Variants in FARP1 observed in about 807,000 individuals in gnomAD.
The protein encoded by FARP1 is FERM, ARH/RhoGEF and pleckstrin domain protein 1, also known as FERM, ARHGEF and pleckstrin domain-containing protein 1.
In FARP1, 52 loss-of-function variants were observed where a neutral mutation model predicts 128.8. The ratio of observed to expected loss-of-function variants is 0.40; its 90% CI spans 0.32 to 0.51. FARP1 has a LOEUF of 0.51. FARP1 is among the 20% of genes least tolerant of loss of function. The pLI is 0.45. For missense variants in FARP1, 1,333 were observed against 1,367.9 expected (o/e 0.97, Z 0.40); for synonymous variants, 580 against 551.8 (o/e 1.05, Z -0.72).
At chr13:98,365,895 G>GT (rs1491093980) in intron 4 of FARP1, among the ~76,000 whole-genome samples, 1 of 14,008 alleles carries the variant, frequency 7.1e-5, no homozygotes, top group African/African-American at 1.9e-4. Context: ...TGTGTATGTG[G>GT]TGTGTGTGTG....
At chr13:98,401,127 A>G (rs561608041) in intron 13 of FARP1, 3 of 152,334 alleles carry the variant, frequency 2.0e-5, no homozygotes, top group Admixed American at 6.5e-5. Context: ...CCAAGCCCGT[A>G]AGAGCATATG....
chr13:98,413,496 C>CA (rs1036471587), intron 16 of FARP1, among the ~76,000 whole-genome samples: 20 of 151,812 alleles, frequency 1.3e-4, no homozygotes, highest in African/African-American at 2.2e-4. Flanking sequence ...CCCATCTCAA[C>CA]AAAAAAACAT....
intron 1 of FARP1, among the ~76,000 whole-genome samples, chr13:98,208,836 C>T (rs1331229093): frequency 2.0e-5 from 3 of 149,446 alleles, no homozygotes; most frequent in South Asian, 2.1e-4. Flanking sequence ...TCTATGGTGA[C>T]AGCATTAGAG....
At chr13:98,185,125 G>A (rs891130428) in intron 1 of FARP1, among the ~76,000 whole-genome samples, 4 of 152,066 alleles carry the variant, frequency 2.6e-5, no homozygotes, top group Non-Finnish European at 5.9e-5. Flanking sequence ...AAAGTAAAAT[G>A]TAAAATAATT....
chr13:98,293,611 TAGTC>T (rs1385201382), intron 2 of FARP1, among the ~76,000 whole-genome samples: 2 of 152,198 alleles, frequency 1.3e-5, no homozygotes, highest in African/African-American at 4.8e-5. Context: ...ATGTAAAATG[TAGTC>T]AGTCAGTGTA....
At chr13:98,245,088 G>A (rs1786061211) in intron 2 of FARP1, 1 of 1,012,474 alleles carries the variant, frequency 9.9e-7, no homozygotes, top group African/African-American at 1.7e-5. Flanking sequence ...CCTTTCCTGA[G>A]TGGTCTCTTA....
chr13:98,283,382 G>A (rs1885022136), intron 2 of FARP1, among the ~76,000 whole-genome samples: 1 of 152,106 alleles, frequency 6.6e-6, no homozygotes, highest in Admixed American at 6.5e-5. Context: ...AGGCTATCCT[G>A]GAAAATGCCA....
chr13:98,403,762 G>C (rs1890864859), intron 13 of FARP1: 1 of 152,222 alleles, frequency 6.6e-6, no homozygotes, highest in South Asian at 2.1e-4. Flanking sequence ...GTAACAATGA[G>C]CTTGGTGGTT....
chr13:98,203,427 G>A (rs1359810006), intron 1 of FARP1, among the ~76,000 whole-genome samples: 1 of 152,148 alleles, frequency 6.6e-6, no homozygotes, highest in Non-Finnish European at 1.5e-5. Context: ...CCAGCCCCAG[G>A]CAACTACTTT....
chr13:98,385,073 C>T (rs10492707), intron 7 of FARP1, among the ~76,000 whole-genome samples: 6,348 of 152,112 alleles, frequency 0.042, 471 homozygotes, highest in African/African-American at 0.14. Context: ...TGCTTTGGAA[C>T]AAAAGAGAAA....
chr13:98,176,793 C>A lies in FARP1; in HGVS notation c.-24+33301C>A. 1 of 1,613,610 alleles carries A rather than the reference C, an allele frequency of 6.2e-7. No homozygotes were observed. The highest frequency in any genetic ancestry group is 8.5e-7 in the Non-Finnish European group (1 of 1,180,012). ...GGTACCTCAGGTAGCTGTGGATTCC[C>A]CGGTAGATGTGGTCGTGCTCCCGAC... On this transcript the variant is annotated intron_variant, in intron 1 of 26. Transcript: ENST00000319562. This position sits in a 1 kb window ranked among gnomAD's most constrained non-coding sequence, Gnocchi z 6.2.
At chr13:98,275,332 G>A (rs545339101) in intron 2 of FARP1, among the ~76,000 whole-genome samples, 3 of 95,380 alleles carry the variant, frequency 3.1e-5, no homozygotes, top group South Asian at 4.6e-4. Flanking sequence ...GTGAATGTGG[G>A]TAAGGAGAGA....
intron 2 of FARP1, among the ~76,000 whole-genome samples, chr13:98,305,022 AAGAG>A (rs149483166): frequency 4.2e-4 from 63 of 150,104 alleles, no homozygotes; most frequent in African/African-American, 1.3e-3. Context: ...TGCTTTTAGC[AAGAG>A]AGAGAGAGAG....
chr13:98,270,972 C>G (rs113306833), intron 2 of FARP1, among the ~76,000 whole-genome samples: 4,802 of 152,228 alleles, frequency 0.032, 99 homozygotes, highest in African/African-American at 0.041. Flanking sequence ...TTGCTGTCCT[C>G]TGAATCAGAA....
intron 2 of FARP1, among the ~76,000 whole-genome samples, chr13:98,286,541 A>G (rs1444457583): frequency 6.6e-6 from 1 of 152,142 alleles, no homozygotes; most frequent in Non-Finnish European, 1.5e-5. Context: ...GTCTGCCGCC[A>G]TGTGAGACAT....
intron 1 of FARP1, among the ~76,000 whole-genome samples, chr13:98,148,490 C>G (rs1376276774): frequency 1.3e-5 from 2 of 152,130 alleles, no homozygotes; most frequent in African/African-American, 4.8e-5. Context: ...TTTTATATAG[C>G]CTTCTCATTT....
At chr13:98,325,437 C>T (rs16955336) in intron 2 of FARP1, among the ~76,000 whole-genome samples, 22,432 of 152,130 alleles carry the variant, frequency 0.15, 1,904 homozygotes, top group East Asian at 0.27. Context: ...CCCCAGCTTG[C>T]TGATTAAATT....
At chr13:98,381,560 C>T (rs749510951) in intron 6 of FARP1, 2 of 152,174 alleles carry the variant, frequency 1.3e-5, no homozygotes, top group African/African-American at 4.8e-5. Context: ...CTAAGAAGGA[C>T]AAGCTGATGA....
chr13:98,227,596 T>C (rs1881869449), intron 2 of FARP1, among the ~76,000 whole-genome samples: 1 of 152,202 alleles, frequency 6.6e-6, no homozygotes, highest in African/African-American at 2.4e-5. Flanking sequence ...ATAGAGTTGC[T>C]GTATGATCCA....
Sources: allele counts gnomAD v4.1 joint callset (sites outside exome capture counted in the v4.1 genomes callset), GRCh38; gene constraint gnomAD v4.1.1; non-coding constraint Gnocchi (gnomAD v3.1); transcripts MANE v1.5; gene names NCBI Gene and HGNC (gene_info 2026-07-23, HGNC 2026-07-21).